Variants in CEP350 observed in about 807,000 individuals in gnomAD.
The protein encoded by CEP350 is centrosomal protein 350.
A neutral mutation model predicts 331.8 loss-of-function variants in CEP350; 126 were observed. That is an observed-to-expected ratio of 0.38 (90% CI 0.33 to 0.44). CEP350 has a LOEUF of 0.44. CEP350 is among the 20% of genes least tolerant of loss of function. CEP350 has a pLI of 1.00. For synonymous variants in CEP350, 1,200 were observed against 1,259.5 expected, an observed-to-expected ratio of 0.95 and a Z score of 1.00; for missense variants, 3,406 against 3,634.6, an observed-to-expected ratio of 0.94 and a Z score of 1.62.
chr1:180,075,318 G>A, intron 28 of CEP350, 97 bp downstream of exon 28: 1 of 1,237,788 alleles, frequency 8.1e-7, no homozygotes, highest in Non-Finnish European at 1.1e-6. Flanking sequence ...TGGGCGCAGT[G>A]GCTCACGCCT....
At position 180,020,423 on chromosome 1, in the gene CEP350, T is replaced by C. The variant is rs368132615; in HGVS notation, c.2649T>C (p.Asp883=). ...WTKAVTPPVK[D]DNEDVFSARI... is the part of the protein sequence containing the mutation. Reference sequence around the variant, plus strand: ...AGGCTGTAACTCCACCTGTGAAAGATGATAATGAAGATGTTTTCTCTGCCA... The same window carrying C: ...AGGCTGTAACTCCACCTGTGAAAGACGATAATGAAGATGTTTTCTCTGCCA... The change falls in exon 12 of 38, where the codon GAT becomes GAC. Residue 883 remains aspartate, a synonymous_variant. Transcript: ENST00000367607. 4.4e-5 allele frequency: 71 copies of C among 1,613,738 alleles called. No homozygotes were observed. Among genetic ancestry groups the C allele is most frequent in the South Asian group, 2.0e-4 (18 of 91,080 alleles).
chr1:179,996,331 T>G (rs1022141424), intron 5 of CEP350, among the ~76,000 whole-genome samples: 4 of 152,176 alleles, frequency 2.6e-5, no homozygotes, highest in African/African-American at 4.8e-5. Flanking sequence ...TTTAAAAAGA[T>G]TTAGCTTTAA....
At chr1:180,030,396 G>A (rs976127874) in intron 14 of CEP350, among the ~76,000 whole-genome samples, 1 of 148,836 alleles carries the variant, frequency 6.7e-6, no homozygotes, top group Non-Finnish European at 1.5e-5. Flanking sequence ...TAAAATTTGG[G>A]CCACTATTAA....
chr1:179,995,552 C>T (rs917474986), intron 5 of CEP350, among the ~76,000 whole-genome samples: 15 of 152,216 alleles, frequency 9.9e-5, no homozygotes, highest in Middle Eastern at 3.4e-3. Flanking sequence ...TTGCAGTGAG[C>T]GAGATCGCAC....
intron 20 of CEP350, 38 bp from the exon 21 acceptor site, chr1:180,044,013 G>T: frequency 1.3e-6 from 2 of 1,484,444 alleles, no homozygotes; most frequent in South Asian, 2.7e-5. Flanking sequence ...TGTTATTAGA[G>T]ACTTTGAATG....
chr1:180,041,082 C>A (rs923726794), intron 17 of CEP350, 56 bp from the exon 18 acceptor site: 3 of 1,260,800 alleles, frequency 2.4e-6, no homozygotes, highest in Non-Finnish European at 3.4e-6. Flanking sequence ...GTGTTATAGT[C>A]ACTGTGTTAA....
intron 17 of CEP350, among the ~76,000 whole-genome samples, chr1:180,037,409 G>A (rs1298631213): frequency 6.9e-6 from 1 of 145,330 alleles, no homozygotes; most frequent in African/African-American, 2.5e-5. Flanking sequence ...AGAATACTGA[G>A]GGTTTTTTTT....
At position 180,093,165 on chromosome 1, in the gene CEP350, A is replaced by C; in HGVS notation, c.7060A>C (p.Lys2354Gln). The C allele has an allele frequency of 6.3e-7, 1 of 1,598,276 alleles. No homozygotes were observed. Among genetic ancestry groups the C allele is most frequent in the South Asian group, 1.1e-5 (1 of 88,628 alleles). Residue 2354 changes from lysine (K) to glutamine (Q), a missense_variant, in exon 34 of 38, where the codon AAG (lysine) becomes CAG (glutamine). By Grantham distance (53) the Lys-to-Gln change is moderately conservative (BLOSUM62 1). This residue lies in a region of CEP350 where 1,415 missense variants were observed against 1,512.3 expected (regional missense o/e 0.94). Transcript: ENST00000367607. ...ATCAGGAAAAGACATTCACGAACAA[A>C]AGAACACAAAGGAAAAAGATTTGTC... ...IQSGKDIHEQKNTKEKDLSWS... is the reference protein window; with the variant it reads ...IQSGKDIHEQQNTKEKDLSWS...
chr1:180,065,340 A>G, intron 27 of CEP350, 68 bp downstream of exon 27: 3 of 1,396,632 alleles, frequency 2.1e-6, no homozygotes, highest in South Asian at 1.4e-5. Context: ...AACATTTGTA[A>G]TAATACTTCA....
intron 7 of CEP350, among the ~76,000 whole-genome samples, chr1:180,004,886 G>GCTTTCTTT (rs1654120281): frequency 2.5e-4 from 14 of 55,670 alleles, no homozygotes; most frequent in Non-Finnish European, 4.7e-4. Flanking sequence ...TTGCTTGCTT[G>GCTTTCTTT]CTTGCTTGCT....
intron 19 of CEP350, 66 bp from the exon 20 acceptor site, chr1:180,042,987 ATGC>A (rs1345897248): frequency 6.6e-7 from 1 of 1,512,308 alleles, no homozygotes; most frequent in Non-Finnish European, 9.0e-7. Flanking sequence ...CCAAGACACT[ATGC>A]TCCTTCTCAG....
At chr1:180,015,065 T>C (rs1023874199) in intron 10 of CEP350, among the ~76,000 whole-genome samples, 1 of 152,028 alleles carries the variant, frequency 6.6e-6, no homozygotes, top group Non-Finnish European at 1.5e-5. Context: ...ATCATCAAGG[T>C]CTTTATCCTC....
intron 1 of CEP350, among the ~76,000 whole-genome samples, chr1:179,984,888 A>G (rs114656148): frequency 0.04 from 6,097 of 152,264 alleles, 142 homozygotes; most frequent in Middle Eastern, 0.14. Flanking sequence ...GTTCCTCTAT[A>G]TTCATAGGAA....
At position 180,114,528 on chromosome 1, in the gene CEP350, A is replaced by C. The variant is rs962022922; in HGVS notation, c.*3367A>C. On this transcript the variant is annotated 3_prime_UTR_variant, in exon 38 of 38. Coordinates refer to ENST00000367607, the MANE Select transcript of CEP350 (RefSeq NM_014810.5). Reference sequence around the variant, plus strand: ...TAAAGGAGGTACTGTCATTTTAATTAACCTATGTTTAATAGCTTTTCCTTC... The same window carrying C: ...TAAAGGAGGTACTGTCATTTTAATTCACCTATGTTTAATAGCTTTTCCTTC... 2 of 152,688 alleles carry C rather than the reference A, an allele frequency of 1.3e-5. No individual in the cohort carries two copies. Among genetic ancestry groups the C allele is most frequent in the Non-Finnish European group, 2.9e-5 (2 of 68,048 alleles). The allele number at this position is 152,688 out of a possible 1,614,324, so 9.5% of individuals were successfully genotyped here. A position where few individuals can be genotyped will look rare whatever the true frequency, so the allele number is the denominator to read the frequency against.
chr1:179,997,035 GGGA>G lies in CEP350; in HGVS notation c.879_881del (p.Trp293_Glu294delinsTer). ...CTTAAGGAACGGATTAGAAAACAGT[GGGA>G]ACACTCAGAAGAAACAAATGGCCGG... On this transcript the variant is annotated stop_gained and inframe_deletion, in exon 6 of 38. Coordinates refer to ENST00000367607, the MANE Select transcript of CEP350 (RefSeq NM_014810.5). LOFTEE classifies it high-confidence loss of function. 1 of 1,614,000 alleles carries G rather than the reference GGGA, an allele frequency of 6.2e-7. No homozygotes were observed. Among genetic ancestry groups the G allele is most frequent in the Non-Finnish European group, 8.5e-7 (1 of 1,179,888 alleles).
In CEP350 at chr1:179,992,172, G is replaced by A. The variant is rs565948519; in HGVS notation, c.346G>A (p.Val116Met). Residue 116 changes from valine (V) to methionine (M), a missense_variant, in exon 5 of 38, where the codon GTG becomes ATG. Val to Met is a conservative substitution (Grantham distance 21, BLOSUM62 1). Coordinates refer to ENST00000367607, the MANE Select transcript of CEP350 (RefSeq NM_014810.5). ...PLRATTLESNVKKNNRVEFRE... is the reference protein window; with the variant it reads ...PLRATTLESNMKKNNRVEFRE... ...CAGGGCCACCACCCTGGAGAGTAAT[G>A]TGAAGAAAAATAATCGTGTGGAATT... is the stretch of plus-strand genomic sequence containing the variant. 2.6e-5 allele frequency: 40 copies of A among 1,517,028 alleles called. No individual in the cohort carries two copies. Among genetic ancestry groups the A allele is most frequent in the African/African-American group, 2.4e-4 (17 of 69,966 alleles). 94.0% of individuals were successfully genotyped at this position (1,517,028 alleles called of 1,614,324 possible). A position where few individuals can be genotyped will look rare whatever the true frequency, so the allele number is the denominator to read the frequency against.
intron 22 of CEP350, 44 bp downstream of exon 22, chr1:180,048,749 C>T (rs1267416997): frequency 6.8e-7 from 1 of 1,477,738 alleles, no homozygotes; most frequent in Admixed American, 1.9e-5. Context: ...TGTTCAGAAA[C>T]CAGAGGAAAG....
intron 1 of CEP350, among the ~76,000 whole-genome samples, chr1:179,973,013 G>A (rs1158136017): frequency 3.3e-5 from 5 of 151,668 alleles, no homozygotes; most frequent in Non-Finnish European, 7.4e-5. Flanking sequence ...GACTACAGGC[G>A]CCCACCACCA....
At chr1:180,061,432 G>A (rs902880042) in intron 25 of CEP350, among the ~76,000 whole-genome samples, 12 of 152,172 alleles carry the variant, frequency 7.9e-5, no homozygotes, top group African/African-American at 2.4e-4. Context: ...GGGCTCAAGT[G>A]ATCTGCCTGC....
Sources: gnomAD v4.1 joint callset for allele counts (sites outside exome capture counted in the v4.1 genomes callset) on GRCh38, gnomAD v4.1.1 for gene constraint, gnomAD v4.1.1 regional missense constraint, MANE v1.5 for transcripts, NCBI Gene and HGNC (gene_info 2026-07-23, HGNC 2026-07-21) for gene names.